NXN: variants seen among roughly 807,000 people sequenced by gnomAD.
NXN encodes the protein nucleoredoxin 1.
Under a neutral mutation model 48.6 loss-of-function variants are expected in NXN, and 16 were observed. The ratio of observed to expected loss-of-function variants is 0.33; its 90% CI spans 0.22 to 0.50. The LOEUF is 0.50. NXN is among the 20% of genes least tolerant of loss of function. The probability of loss-of-function intolerance (pLI) is 0.98; values close to 1 mark genes in which losing one functional copy is unlikely to be tolerated. For missense variants in NXN, 492 were observed against 605.5 expected (o/e 0.81, Z 1.97); for synonymous variants, 281 against 269.6 (o/e 1.04, Z -0.41).
chr17:960,888 T>C (rs1483729979), intron 1 of NXN, among the ~76,000 whole-genome samples: 3 of 150,348 alleles, frequency 2.0e-5, no homozygotes, highest in African/African-American at 7.4e-5. Context: ...CAGGTTCAAG[T>C]GATTCTCCTG....
At chr17:946,025 G>C (rs996260058) in intron 1 of NXN, among the ~76,000 whole-genome samples, 1 of 152,204 alleles carries the variant, frequency 6.6e-6, no homozygotes, top group Non-Finnish European at 1.5e-5. Flanking sequence ...CCTCCCTGGG[G>C]TAGAGAGGGA....
chr17:941,370 T>C (rs2068973126), intron 1 of NXN, among the ~76,000 whole-genome samples: 1 of 148,190 alleles, frequency 6.7e-6, no homozygotes, highest in South Asian at 2.1e-4. Flanking sequence ...GTGAACAAGA[T>C]TCCAGGGTGC....
chr17:938,195 G>A (rs573169163), intron 1 of NXN, among the ~76,000 whole-genome samples: 18 of 152,372 alleles, frequency 1.2e-4, no homozygotes, highest in African/African-American at 3.4e-4. Context: ...AAAAGAGGCC[G>A]GAGAGGAACA....
At chr17:803,896 A>G in intron 6 of NXN, 90 bp from the exon 7 acceptor site, 1 of 1,554,740 alleles carries the variant, frequency 6.4e-7, no homozygotes, top group Admixed American at 1.7e-5. Context: ...CCTGAGCTGC[A>G]GAAACGCCCG....
chr17:864,982 G>T (rs1390748041), intron 1 of NXN, among the ~76,000 whole-genome samples: 1 of 152,166 alleles, frequency 6.6e-6, no homozygotes, highest in African/African-American at 2.4e-5. Flanking sequence ...TGGCAGTCAG[G>T]CTCCTGGATC....
At chr17:926,892 G>C (rs189665429) in intron 1 of NXN, among the ~76,000 whole-genome samples, 21 of 152,260 alleles carry the variant, frequency 1.4e-4, no homozygotes, top group African/African-American at 4.8e-4. Context: ...TAATGAAAGA[G>C]TCTGGGGATA....
At chr17:863,389 G>A (rs1314361499) in intron 1 of NXN, among the ~76,000 whole-genome samples, 4 of 151,960 alleles carry the variant, frequency 2.6e-5, no homozygotes, top group East Asian at 1.9e-4. Context: ...GGATGGTCTC[G>A]ATCTCCTGAC....
Position 956,091 on chromosome 17 carries a change from AT to A in NXN, c.360+23227del, listed in dbSNP as rs887563413. On this transcript the variant is annotated intron_variant, in intron 1 of 7. Transcript: ENST00000336868. This position sits in a 1 kb window ranked among gnomAD's most constrained non-coding sequence, Gnocchi z 4.1. ...TCATTCAGTGACTGCATTGTTCAAT[AT>A]TTTGAAATAAGGGCATTTAATTATG... 1.3e-5 allele frequency among the ~76,000 whole-genome samples: 2 copies of A among 152,148 alleles called. No individual in the cohort carries two copies. The highest frequency in any genetic ancestry group is 4.8e-5 in the African/African-American group (2 of 41,436).
intron 1 of NXN, among the ~76,000 whole-genome samples, chr17:859,348 C>T (rs769940170): frequency 7.9e-5 from 12 of 152,154 alleles, no homozygotes; most frequent in Non-Finnish European, 1.3e-4. Flanking sequence ...GGAGCGATTC[C>T]GACTGAGGTC....
At chr17:841,544 CGCCGGCG>C (rs2144711848) in intron 1 of NXN, among the ~76,000 whole-genome samples, 2 of 64,604 alleles carry the variant, frequency 3.1e-5, no homozygotes, top group East Asian at 7.9e-4. Flanking sequence ...GAGCATCTCA[CGCCGGCG>C]AGCAGGTCCC....
intron 1 of NXN, among the ~76,000 whole-genome samples, chr17:963,348 A>G (rs1166515506): frequency 1.3e-5 from 2 of 152,120 alleles, no homozygotes; most frequent in Admixed American, 1.3e-4. Flanking sequence ...CACGTATGTA[A>G]TCCCAGCACA....
chr17:839,483 AT>A (rs1914015874), intron 1 of NXN, among the ~76,000 whole-genome samples: 1 of 151,620 alleles, frequency 6.6e-6, no homozygotes, highest in Admixed American at 6.6e-5. Context: ...GTTCAAATAC[AT>A]GCTAGAAATA....
intron 1 of NXN, among the ~76,000 whole-genome samples, chr17:969,678 G>C (rs2069349619): frequency 6.6e-6 from 1 of 152,122 alleles, no homozygotes; most frequent in Non-Finnish European, 1.5e-5. Flanking sequence ...GTCTTGACCT[G>C]ATCACGTTTA....
intron 6 of NXN, chr17:804,057 A>AG: frequency 2.0e-6 from 1 of 502,314 alleles, no homozygotes; most frequent in Non-Finnish European, 3.6e-6. Context: ...CTCACTGAGC[A>AG]GCTCTGCTCT....
At chr17:826,162 CTGGA>C (rs1567819758) in intron 1 of NXN, 84 bp from the exon 2 acceptor site, 1 of 889,122 alleles carries the variant, frequency 1.1e-6, no homozygotes, top group Non-Finnish European at 1.9e-6. Flanking sequence ...GGTCTGGAGG[CTGGA>C]TGAACAGGCA....
intron 1 of NXN, among the ~76,000 whole-genome samples, chr17:924,549 G>C (rs970111904): frequency 9.9e-5 from 15 of 152,144 alleles, no homozygotes; most frequent in Non-Finnish European, 1.9e-4. Flanking sequence ...TTTTTAATTT[G>C]TTGTTGTGAT....
chr17:929,737 C>G (rs1389176881), intron 1 of NXN: 1 of 152,114 alleles, frequency 6.6e-6, no homozygotes, highest in Non-Finnish European at 1.5e-5. Context: ...GTCCAGGTTG[C>G]AAAGCAGCTG....
intron 1 of NXN, 146 bp from the exon 2 acceptor site, chr17:826,224 T>C: frequency 1.4e-6 from 1 of 707,200 alleles, no homozygotes. Context: ...GCAGGGCTGC[T>C]GGGCAAAGGG....
At chr17:964,259 G>C (rs2069275610) in intron 1 of NXN, among the ~76,000 whole-genome samples, 1 of 152,150 alleles carries the variant, frequency 6.6e-6, no homozygotes, top group Non-Finnish European at 1.5e-5. Context: ...GTCTCCTCAT[G>C]AACACACACC....
Sources: allele counts gnomAD v4.1 joint callset (sites outside exome capture counted in the v4.1 genomes callset), GRCh38; gene constraint gnomAD v4.1.1; non-coding constraint Gnocchi (gnomAD v3.1); transcripts MANE v1.5; gene names NCBI Gene and HGNC (gene_info 2026-07-23, HGNC 2026-07-21).